Variants in KYAT1 observed in about 807,000 individuals in gnomAD.
KYAT1 encodes kynurenine--oxoglutarate transaminase 1.
KYAT1 carries 47 observed loss-of-function variants against 52.4 expected under a neutral mutation model. The ratio of observed to expected loss-of-function variants is 0.90; its 90% CI spans 0.71 to 1.14. The LOEUF (loss-of-function observed/expected upper bound fraction) is 1.14. Among genes scored for constraint, KYAT1 ranks in the 50% most tolerant of loss-of-function variants. The pLI, the probability that KYAT1 is intolerant of heterozygous loss-of-function variation, is 0.00. For synonymous variants in KYAT1, 212 were observed against 209.6 expected (o/e 1.01, Z -0.10); for missense variants, 480 against 557.9 (o/e 0.86, Z 1.41).
intron 1 of KYAT1, among the ~76,000 whole-genome samples, chr9:128,854,062 C>A (rs1202998625): frequency 6.6e-6 from 1 of 152,134 alleles, no homozygotes; most frequent in Admixed American, 6.5e-5. Flanking sequence ...AAAATTAAAA[C>A]AGATAATGGG....
intron 2 of KYAT1, among the ~76,000 whole-genome samples, chr9:128,844,656 C>T (rs1046327186): frequency 2.6e-5 from 4 of 151,920 alleles, no homozygotes; most frequent in Admixed American, 1.3e-4. Flanking sequence ...TGCCACTGCA[C>T]TCCAGCCTGG....
intron 1 of KYAT1, among the ~76,000 whole-genome samples, chr9:128,865,330 TATATATATATATATATA>T (rs1836113536): frequency 4.1e-3 from 10 of 2,464 alleles, no homozygotes; most frequent in African/African-American, 7.8e-3. Context: ...TATATATATA[TATATATATATATATATA>T]TATATATATA....
At chr9:128,868,381 T>A (rs1418334031) in intron 1 of KYAT1, among the ~76,000 whole-genome samples, 1 of 151,286 alleles carries the variant, frequency 6.6e-6, no homozygotes, top group African/African-American at 2.4e-5. Context: ...GGCCCACTGA[T>A]TTTTTTTTCC....
intron 2 of KYAT1, among the ~76,000 whole-genome samples, chr9:128,844,623 G>A (rs527285774): frequency 6.6e-6 from 1 of 152,212 alleles, no homozygotes; most frequent in South Asian, 2.1e-4. Flanking sequence ...CTGTGAGGGG[G>A]AGGTTGCAGT....
chr9:128,855,720 G>A (rs75297441), intron 1 of KYAT1, among the ~76,000 whole-genome samples: 65 of 152,206 alleles, frequency 4.3e-4, no homozygotes, highest in African/African-American at 1.5e-3. Context: ...TCCATGGACC[G>A]ACCGTGGGAG....
At chr9:128,866,869 G>A (rs556673207) in intron 1 of KYAT1, among the ~76,000 whole-genome samples, 38 of 151,438 alleles carry the variant, frequency 2.5e-4, no homozygotes, top group African/African-American at 8.2e-4. Flanking sequence ...TCGTGCCACT[G>A]CACTCCAGTC....
chr9:128,879,050 C>T (rs888149190), intron 1 of KYAT1, among the ~76,000 whole-genome samples: 21 of 152,212 alleles, frequency 1.4e-4, no homozygotes, highest in Non-Finnish European at 2.8e-4. Context: ...GTGGCTCACG[C>T]CTGTAATCCC....
intron 1 of KYAT1, among the ~76,000 whole-genome samples, chr9:128,862,393 A>C (rs1835577680): frequency 6.6e-6 from 1 of 152,240 alleles, no homozygotes; most frequent in South Asian, 2.1e-4. Flanking sequence ...CAACTCTGTA[A>C]AGCAAGTGCT....
At chr9:128,845,565 C>T (rs1348252751) in intron 1 of KYAT1, 154 bp from the exon 2 acceptor site, 2 of 681,056 alleles carry the variant, frequency 2.9e-6, no homozygotes, top group Admixed American at 4.8e-5. Context: ...GGGCAGGTTT[C>T]TGCCTGCCTC....
chr9:128,849,883 C>CT (rs537211110), intron 1 of KYAT1, among the ~76,000 whole-genome samples: 61,656 of 91,812 alleles, frequency 0.67, 19,296 homozygotes, highest in Non-Finnish European at 0.74. Context: ...TTATTTTCTT[C>CT]TTTTTTTTTT....
At chr9:128,858,069 A>C (rs978161485) in intron 1 of KYAT1, among the ~76,000 whole-genome samples, 3 of 152,150 alleles carry the variant, frequency 2.0e-5, no homozygotes, top group African/African-American at 7.2e-5. Flanking sequence ...AAATATCTGC[A>C]AATCATAAAT....
intron 1 of KYAT1, among the ~76,000 whole-genome samples, chr9:128,861,721 GAGGGA>G (rs1835492091): frequency 6.6e-6 from 1 of 152,208 alleles, no homozygotes; most frequent in Non-Finnish European, 1.5e-5. Flanking sequence ...CACCTCAAGG[GAGGGA>G]GTCTGGTGCT....
chr9:128,844,685 G>C (rs1421530689), intron 2 of KYAT1, among the ~76,000 whole-genome samples: 2 of 150,824 alleles, frequency 1.3e-5, no homozygotes, highest in African/African-American at 2.4e-5. Flanking sequence ...GTAAGATTCT[G>C]TCTTGCGGGG....
In KYAT1 at chr9:128,851,801, G is replaced by A. The variant is rs867510062; in HGVS notation, c.-6-6390C>T. On this transcript the variant is annotated intron_variant, in intron 1 of 12. Transcript: ENST00000302586. Reference sequence around the variant, plus strand: ...CAGAGCCGGTAATGGCTCAGTCAACGCAAAGTGTTGACTACAATCAATTAC... The same window carrying A: ...CAGAGCCGGTAATGGCTCAGTCAACACAAAGTGTTGACTACAATCAATTAC... Among the ~76,000 whole-genome samples, 6 of 152,316 alleles carry A rather than the reference G, an allele frequency of 3.9e-5. 1 individual carries two copies. Among genetic ancestry groups the A allele is most frequent in the Non-Finnish European group, 5.9e-5 (4 of 68,040 alleles).
chr9:128,855,062 G>T (rs936110718), intron 1 of KYAT1, among the ~76,000 whole-genome samples: 4 of 152,138 alleles, frequency 2.6e-5, no homozygotes, highest in African/African-American at 9.7e-5. Flanking sequence ...AGGCCTAAGG[G>T]GACCTTGCCT....
intron 1 of KYAT1, among the ~76,000 whole-genome samples, chr9:128,867,748 T>G (rs1438855513): frequency 6.6e-6 from 1 of 152,150 alleles, no homozygotes; most frequent in Non-Finnish European, 1.5e-5. Flanking sequence ...AAATGCAGGT[T>G]GATTTCAAAA....
intron 1 of KYAT1, among the ~76,000 whole-genome samples, chr9:128,848,318 C>CAAA (rs56157823): frequency 2.6e-4 from 19 of 73,530 alleles, no homozygotes; most frequent in African/African-American, 3.8e-4. Context: ...AGATATGTCT[C>CAAA]AAAAAAAAAA....
At position 128,845,384 on chromosome 9, in the gene KYAT1, G is replaced by A; in HGVS notation, c.22C>T (p.Arg8Ter). 2.5e-6 allele frequency: 4 copies of A among 1,613,790 alleles called. No individual in the cohort carries two copies. The highest frequency in any genetic ancestry group is 1.1e-5 in the South Asian group (1 of 91,066). Residue 8 changes from arginine (R) to a stop codon, truncating the protein, a stop_gained, in exon 2 of 13, where the codon CGA (arginine) becomes TGA (stop). Transcript: ENST00000302586. LOFTEE classifies it high-confidence loss of function. Reference sequence around the variant, plus strand: ...TTGTAGTCGATCCCGTCTAGCCTTCGGGCCTGCAGCTGTTTGGCCATGGCG... The same window carrying A: ...TTGTAGTCGATCCCGTCTAGCCTTCAGGCCTGCAGCTGTTTGGCCATGGCG... The part of the protein sequence containing the change: MAKQLQA[R>*]RLDGIDYNPW...
intron 1 of KYAT1, among the ~76,000 whole-genome samples, chr9:128,865,328 TATATATATATATATATATATATA>T (rs1836104296): frequency 8.2e-5 from 3 of 36,642 alleles, no homozygotes; most frequent in African/African-American, 7.2e-4. Context: ...TATATATATA[TATATATATATATATATATATATA>T]TATATATATT....
Sources: allele counts gnomAD v4.1 joint callset (sites outside exome capture counted in the v4.1 genomes callset), GRCh38; gene constraint gnomAD v4.1.1; transcripts MANE v1.5; gene names NCBI Gene and HGNC (gene_info 2026-07-23, HGNC 2026-07-21).